Variants in BMP2K observed in about 807,000 individuals in gnomAD.
The protein encoded by BMP2K is BMP-2-inducible protein kinase.
Under a neutral mutation model 116.0 loss-of-function variants are expected in BMP2K, and 74 were observed. The observed-to-expected ratio is 0.64, with a 90% confidence interval of 0.53 to 0.77. The LOEUF is 0.77. Ranked by LOEUF, BMP2K falls within the 30% of genes least tolerant of loss-of-function variation. BMP2K has a pLI of 0.00. For missense variants in BMP2K, 1,365 were observed against 1,403.6 expected, an observed-to-expected ratio of 0.97 and a Z score of 0.44; for synonymous variants, 486 against 502.5, an observed-to-expected ratio of 0.97 and a Z score of 0.44.
At chr4:78,876,450 ACTAT>A (rs528781401) in intron 13 of BMP2K, among the ~76,000 whole-genome samples, 11 of 152,348 alleles carry the variant, frequency 7.2e-5, no homozygotes, top group Non-Finnish European at 1.5e-4. Flanking sequence ...TAGGTAACTT[ACTAT>A]TTATTTTCCT....
At chr4:78,780,015 A>G (rs1355017421) in intron 1 of BMP2K, among the ~76,000 whole-genome samples, 1 of 152,216 alleles carries the variant, frequency 6.6e-6, no homozygotes, top group East Asian at 1.9e-4. Context: ...AGCTTCAAAC[A>G]GTGACAAATT....
At chr4:78,821,308 C>T (rs2109990439) in intron 1 of BMP2K, among the ~76,000 whole-genome samples, 1 of 152,238 alleles carries the variant, frequency 6.6e-6, no homozygotes, top group East Asian at 1.9e-4. Context: ...TGTGACGATG[C>T]AGAAAGCCAC....
Position 78,870,970 on chromosome 4 carries a change from G to A in BMP2K, c.1419G>A (p.Gln473=), listed in dbSNP as rs576900606. The A allele has an allele frequency of 4.3e-6, 7 of 1,610,576 alleles. No individual in the cohort carries two copies. The highest frequency in any genetic ancestry group is 4.0e-5 in the African/African-American group (3 of 74,598). The change falls in exon 11 of 16, where the codon CAG becomes CAA. Residue 473 remains glutamine (Q), a synonymous_variant. Transcript: ENST00000502613. ...QQQQQQQQQQ[Q]QQQQQQQQQQ... Reference sequence around the variant, plus strand: ...AGCAGCAGCAACAGCAACAGCAGCAGCAGCAACAGCAACAGCAGCAGCAGC... The same window carrying A: ...AGCAGCAGCAACAGCAACAGCAGCAACAGCAACAGCAACAGCAGCAGCAGC...
rs923966888 is a variant in BMP2K at position 78,812,619 on chromosome 4, C to T, written c.179-13418C>T. 3.3e-5 allele frequency among the ~76,000 whole-genome samples: 5 copies of T among 152,328 alleles called. 1 individual carries two copies. Among genetic ancestry groups the T allele is most frequent in the Admixed American group, 3.3e-4 (5 of 15,300 alleles). ...TTATTACCCATTAAAGATTCTGATT[C>T]TCTAAACTCAGGGTTGTTTTCATGT... On this transcript the variant is annotated intron_variant, in intron 1 of 15. Coordinates refer to ENST00000502613, the MANE Select transcript of BMP2K (RefSeq NM_198892.2).
At chr4:78,857,857 G>T (rs1399684187) in intron 7 of BMP2K, among the ~76,000 whole-genome samples, 3 of 151,904 alleles carry the variant, frequency 2.0e-5, no homozygotes, top group Non-Finnish European at 4.4e-5. Context: ...TCATGTAATG[G>T]ATCATGTTGC....
chr4:78,858,838 G>A (rs191077171), intron 7 of BMP2K, among the ~76,000 whole-genome samples: 8 of 151,814 alleles, frequency 5.3e-5, no homozygotes, highest in African/African-American at 1.9e-4. Flanking sequence ...TTTTACTTAC[G>A]GAATTGAGTA....
At chr4:78,827,663 T>C (rs1352435789) in intron 2 of BMP2K, among the ~76,000 whole-genome samples, 5 of 152,034 alleles carry the variant, frequency 3.3e-5, no homozygotes, top group Admixed American at 1.3e-4. Flanking sequence ...CAAATTTCCA[T>C]AGGTTGTGTG....
rs190513193 is a variant in BMP2K at position 78,868,575 on chromosome 4, C to T, written c.1232-2208C>T. On this transcript the variant is annotated intron_variant, in intron 10 of 15. Coordinates refer to ENST00000502613, the MANE Select transcript of BMP2K (RefSeq NM_198892.2). Reference sequence around the variant, plus strand: ...AAAAGTCCACAGTCCAAGGTCTCCTCTGAGACAGGGCAAGTCCCTTCCACC... The same window carrying T: ...AAAAGTCCACAGTCCAAGGTCTCCTTTGAGACAGGGCAAGTCCCTTCCACC... 5.4e-3 allele frequency among the ~76,000 whole-genome samples: 821 copies of T among 152,312 alleles called. 8 individuals carry two copies. The highest frequency in any genetic ancestry group is 6.9e-3 in the Non-Finnish European group (470 of 68,030).
intron 7 of BMP2K, among the ~76,000 whole-genome samples, chr4:78,858,255 T>TG (rs1349663548): frequency 2.0e-5 from 3 of 151,988 alleles, no homozygotes; most frequent in Admixed American, 2.0e-4. Flanking sequence ...TGTGTACTGT[T>TG]GTTACGTTAA....
intron 9 of BMP2K, among the ~76,000 whole-genome samples, chr4:78,865,071 A>G (rs900895117): frequency 6.6e-6 from 1 of 152,188 alleles, no homozygotes. Flanking sequence ...AGCAGGTGGC[A>G]TCTGTTAAAA....
chr4:78,890,605 T>C (rs1359668142), intron 15 of BMP2K, among the ~76,000 whole-genome samples: 1 of 152,242 alleles, frequency 6.6e-6, no homozygotes, highest in Non-Finnish European at 1.5e-5. Flanking sequence ...ATAATCACTA[T>C]GTTTTTTGTT....
At chr4:78,841,572 G>C (rs1038937841) in intron 3 of BMP2K, among the ~76,000 whole-genome samples, 3 of 152,062 alleles carry the variant, frequency 2.0e-5, no homozygotes, top group African/African-American at 7.2e-5. Context: ...CCCTAGATGA[G>C]ATTTTTTTGA....
Position 78,912,086 on chromosome 4 carries a change from G to A in BMP2K, c.*53G>A. The A allele has an allele frequency of 1.3e-6, 2 of 1,483,608 alleles. No homozygotes were observed. Among genetic ancestry groups the A allele is most frequent in the Non-Finnish European group, 1.8e-6 (2 of 1,097,630 alleles). 91.9% of individuals were successfully genotyped at this position (1,483,608 alleles called of 1,614,324 possible). ...CTCCTGTTTCAAAAAAGTGTGAACA[G>A]TTTTATGAATTTGAAAGAAAATTTG... On this transcript the variant is annotated 3_prime_UTR_variant, in exon 16 of 16. Coordinates refer to ENST00000502613, the MANE Select transcript of BMP2K (RefSeq NM_198892.2).
Position 78,861,416 on chromosome 4 carries a change from G to T in BMP2K, c.1015G>T (p.Glu339Ter). ...NNSSIPSALP[E>*]PMTASEAAAR... Reference sequence around the variant, plus strand: ...TTCTTCTATTCCTTCAGCTCTTCCTGAACCGATGACTGCTAGTGAAGCAGC... The same window carrying T: ...TTCTTCTATTCCTTCAGCTCTTCCTTAACCGATGACTGCTAGTGAAGCAGC... The change falls in exon 9 of 16, where the codon GAA becomes TAA. Residue 339 changes from glutamate to a stop codon, truncating the protein, a stop_gained. Coordinates refer to ENST00000502613, the MANE Select transcript of BMP2K (RefSeq NM_198892.2). LOFTEE classifies it high-confidence loss of function. The T allele has an allele frequency of 6.2e-7, 1 of 1,605,846 alleles. No individual in the cohort carries two copies. Among genetic ancestry groups the T allele is most frequent in the Non-Finnish European group, 8.5e-7 (1 of 1,175,062 alleles).
intron 7 of BMP2K, among the ~76,000 whole-genome samples, chr4:78,852,742 A>G (rs1334519594): frequency 6.6e-6 from 1 of 152,104 alleles, no homozygotes; most frequent in Non-Finnish European, 1.5e-5. Context: ...AGTAGCTGGA[A>G]CTATGGGCAT....
chr4:78,816,041 C>T (rs527864328), intron 1 of BMP2K, among the ~76,000 whole-genome samples: 1 of 152,264 alleles, frequency 6.6e-6, no homozygotes, highest in South Asian at 2.1e-4. Flanking sequence ...CCCTCACTCG[C>T]TCTAAAAAAT....
chr4:78,892,764 ATC>A (rs1733509899), intron 15 of BMP2K, among the ~76,000 whole-genome samples: 1 of 152,148 alleles, frequency 6.6e-6, no homozygotes, highest in Admixed American at 6.5e-5. Flanking sequence ...CTATGCTGTA[ATC>A]TGTTAAGTAT....
chr4:78,805,828 G>A (rs941732141), intron 1 of BMP2K, among the ~76,000 whole-genome samples: 5 of 152,004 alleles, frequency 3.3e-5, no homozygotes, highest in Middle Eastern at 3.4e-3. Flanking sequence ...AAAATTAGCC[G>A]GGCACGGTGG....
At chr4:78,792,101 C>T (rs1016667715) in intron 1 of BMP2K, among the ~76,000 whole-genome samples, 1 of 152,204 alleles carries the variant, frequency 6.6e-6, no homozygotes, top group East Asian at 1.9e-4. Context: ...ATCCTTGTCT[C>T]ACCAACACTT....
Sources: allele counts gnomAD v4.1 joint callset (sites outside exome capture counted in the v4.1 genomes callset), GRCh38; gene constraint gnomAD v4.1.1; transcripts MANE v1.5; gene names NCBI Gene and HGNC (gene_info 2026-07-23, HGNC 2026-07-21).